Variants in RXYLT1 observed in about 807,000 individuals in gnomAD.
The protein encoded by RXYLT1 is ribitol-5-phosphate xylosyltransferase 1.
In RXYLT1, 41 loss-of-function variants were observed where a neutral mutation model predicts 43.5. The ratio of observed to expected loss-of-function variants is 0.94; its 90% CI spans 0.73 to 1.22. RXYLT1 has a LOEUF of 1.22. RXYLT1 is among the 50% of genes most tolerant of loss of function. RXYLT1 has a pLI of 0.00. For missense variants in RXYLT1, 514 were observed against 532.0 expected, an observed-to-expected ratio of 0.97 and a Z score of 0.33; for synonymous variants, 166 against 194.4, an observed-to-expected ratio of 0.85 and a Z score of 1.21.
At chr12:63,786,146 GTAAA>G (rs1210575150) in intron 3 of RXYLT1, among the ~76,000 whole-genome samples, 1 of 152,112 alleles carries the variant, frequency 6.6e-6, no homozygotes, top group Non-Finnish European at 1.5e-5. Context: ...TATTTGAAAA[GTAAA>G]TGTGTGTTAG....
chr12:63,784,927 G>C (rs1424503736), intron 2 of RXYLT1, 43 bp from the exon 3 acceptor site: 1 of 1,530,356 alleles, frequency 6.5e-7, no homozygotes, highest in Admixed American at 1.7e-5. Context: ...AAGTAGATGA[G>C]ACAGTAAATT....
rs768188804 is a variant in RXYLT1, at chr12:63,779,919, C to T, written c.-42C>T. The T allele has an allele frequency of 1.5e-5, 24 of 1,606,230 alleles. No individual in the cohort carries two copies. The highest frequency in any genetic ancestry group is 1.7e-5 in the Non-Finnish European group (20 of 1,178,414). On this transcript the variant is annotated 5_prime_UTR_variant, in exon 1 of 6. Transcript: ENST00000261234. ...CCGGTGTCGCGGATTCTCTTTCCGC[C>T]CGCTCCATGGCGGTGGATGCCTGAC...
intron 4 of RXYLT1, among the ~76,000 whole-genome samples, chr12:63,803,367 T>G (rs1898210458): frequency 6.6e-6 from 1 of 152,130 alleles, no homozygotes; most frequent in South Asian, 2.1e-4. Flanking sequence ...TTGTTCACTG[T>G]TCTATCCACA....
chr12:63,794,147 C>T (rs1453867176), intron 3 of RXYLT1, among the ~76,000 whole-genome samples: 1 of 152,170 alleles, frequency 6.6e-6, no homozygotes, highest in Admixed American at 6.5e-5. Context: ...CAGCTAAATC[C>T]ACCTGGCATG....
chr12:63,780,486 T>G, intron 1 of RXYLT1: 1 of 1,102,092 alleles, frequency 9.1e-7, no homozygotes, highest in South Asian at 3.5e-5. Flanking sequence ...GTTTCCATGT[T>G]GAAACAAAGC....
chr12:63,796,863 A>G (rs1898043517), intron 3 of RXYLT1, among the ~76,000 whole-genome samples: 1 of 152,142 alleles, frequency 6.6e-6, no homozygotes, highest in African/African-American at 2.4e-5. Flanking sequence ...GCCTACTGCA[A>G]TAGTCCTGTC....
intron 3 of RXYLT1, among the ~76,000 whole-genome samples, chr12:63,789,037 G>C (rs1897865479): frequency 6.6e-6 from 1 of 152,132 alleles, no homozygotes; most frequent in Non-Finnish European, 1.5e-5. Flanking sequence ...GCAGAAAAGA[G>C]GGATAAGGAA....
chr12:63,796,830 G>A (rs1898042412), intron 3 of RXYLT1, among the ~76,000 whole-genome samples: 1 of 151,734 alleles, frequency 6.6e-6, no homozygotes, highest in Non-Finnish European at 1.5e-5. Context: ...AGACTTTAAT[G>A]TTGACCATTC....
intron 1 of RXYLT1, 50 bp downstream of exon 1, chr12:63,780,179 C>T (rs1441264097): frequency 2.1e-6 from 3 of 1,405,858 alleles, no homozygotes; most frequent in Non-Finnish European, 2.7e-6. Context: ...CTGGCTGGGG[C>T]TGCTGGGCGG....
intron 3 of RXYLT1, among the ~76,000 whole-genome samples, chr12:63,799,081 C>T (rs1592851436): frequency 6.6e-6 from 1 of 152,058 alleles, no homozygotes; most frequent in East Asian, 1.9e-4. Context: ...CAGTATTGAC[C>T]CCATGGCTTT....
At chr12:63,794,781 C>G (rs1408784776) in intron 3 of RXYLT1, among the ~76,000 whole-genome samples, 2 of 150,824 alleles carry the variant, frequency 1.3e-5, no homozygotes, top group Non-Finnish European at 2.9e-5. Context: ...AGTGAAACCC[C>G]ATGATTTTTC....
chr12:63,805,119 AG>A, intron 4 of RXYLT1, 114 bp from the exon 5 acceptor site: 2 of 694,362 alleles, frequency 2.9e-6, no homozygotes, highest in Non-Finnish European at 4.3e-6. Context: ...TTTGAGATTT[AG>A]AAATCACATT....
At position 63,809,111 on chromosome 12, in the gene RXYLT1, ATG is replaced by A; in HGVS notation, c.*22_*23del. On this transcript the variant is annotated 3_prime_UTR_variant, in exon 6 of 6. Coordinates refer to ENST00000261234, the MANE Select transcript of RXYLT1 (RefSeq NM_014254.3). Reference sequence around the variant, plus strand: ...AAGTTAATTATCTTTTTGAGCTAACATGTGATTTTTAAAATCATTTTGACTAC... The same window carrying A: ...AAGTTAATTATCTTTTTGAGCTAACATGATTTTTAAAATCATTTTGACTAC... 1 of 1,315,830 alleles carries A rather than the reference ATG, an allele frequency of 7.6e-7. No individual in the cohort carries two copies. 81.5% of individuals were successfully genotyped at this position (1,315,830 alleles called of 1,614,324 possible). A position where few individuals can be genotyped will look rare whatever the true frequency, so the allele number is the denominator to read the frequency against.
At position 63,779,953 on chromosome 12, in the gene RXYLT1, C is replaced by T. The variant is rs371098045; in HGVS notation, c.-8C>T. On this transcript the variant is annotated 5_prime_UTR_variant, in exon 1 of 6. Coordinates refer to ENST00000261234, the MANE Select transcript of RXYLT1 (RefSeq NM_014254.3). ...GGCGGTGGATGCCTGACTGGAAGCC[C>T]GAGTGGGATGCGGCTGACGCGGAAG... The T allele has an allele frequency of 3.7e-6, 6 of 1,610,020 alleles. No individual in the cohort carries two copies. Among genetic ancestry groups the T allele is most frequent in the Admixed American group, 3.3e-5 (2 of 59,910 alleles).
rs1191585941 is a variant in RXYLT1, at chr12:63,780,017, C to T, written c.57C>T (p.Phe19=). The part of the protein sequence containing the change: ...CSFLIALYCL[F]SLYAAYHVFF... ...TTCTTATCGCCCTGTACTGCCTATT[C>T]TCCCTCTACGCTGCCTACCACGTCT... Residue 19 remains phenylalanine, a synonymous_variant, in exon 1 of 6, where the codon TTC becomes TTT. Coordinates refer to ENST00000261234, the MANE Select transcript of RXYLT1 (RefSeq NM_014254.3). 1 of 1,610,712 alleles carries T rather than the reference C, an allele frequency of 6.2e-7. No homozygotes were observed. The highest frequency in any genetic ancestry group is 1.1e-5 in the South Asian group (1 of 91,048).
rs1565908621 is a variant in RXYLT1, at chr12:63,808,744, A to G, written c.984A>G (p.Thr328=). 2 of 1,612,250 alleles carry G rather than the reference A, an allele frequency of 1.2e-6. No individual in the cohort carries two copies. The highest frequency in any genetic ancestry group is 2.2e-5 in the East Asian group (1 of 44,884). Residue 328 remains threonine (T), a synonymous_variant, in exon 6 of 6, where the codon ACA becomes ACG. Transcript: ENST00000261234. ...ATGCCTTGCTTCAGAGTGATCTCAC[A>G]TTGTGCCCGGTCGGAGTAAACACAG... ...YQDALLQSDL[T]LCPVGVNTEC... is the part of the protein sequence containing the mutation.
At position 63,802,258 on chromosome 12, in the gene RXYLT1, T is replaced by G; in HGVS notation, c.596T>G (p.Val199Gly). The G allele has an allele frequency of 1.2e-6, 2 of 1,614,114 alleles. No individual in the cohort carries two copies. The highest frequency in any genetic ancestry group is 1.7e-6 in the Non-Finnish European group (2 of 1,180,018). ...CAAAAACTCCAGCATCTTGCTGTTG[T>G]TTTGCTCGGAAATGAACATTGTGAT... ...QIQKLQHLAVVLLGNEHCDNE... is the reference protein window; with the variant it reads ...QIQKLQHLAVGLLGNEHCDNE... Residue 199 changes from valine (V) to glycine (G), a missense_variant, in exon 4 of 6, where the codon GTT becomes GGT. By Grantham distance (109) the Val-to-Gly change is moderately radical (BLOSUM62 -3). Transcript: ENST00000261234.
rs989813619 is a variant in RXYLT1 at position 63,809,390 on chromosome 12, A to T, written c.*298A>T. 4.0e-6 allele frequency: 1 copy of T among 247,438 alleles called. No individual in the cohort carries two copies. Among genetic ancestry groups the T allele is most frequent in the Non-Finnish European group, 7.7e-6 (1 of 130,166 alleles). 15.3% of individuals were successfully genotyped at this position (247,438 alleles called of 1,614,324 possible). A position where few individuals can be genotyped will look rare whatever the true frequency, so the allele number is the denominator to read the frequency against. Reference sequence around the variant, plus strand: ...TGGTGATACTGGTGTAAACAAATCTATTGCACTGCCAGTCAAGTAAAAGTA... The same window carrying T: ...TGGTGATACTGGTGTAAACAAATCTTTTGCACTGCCAGTCAAGTAAAAGTA... On this transcript the variant is annotated 3_prime_UTR_variant, in exon 6 of 6. Coordinates refer to ENST00000261234, the MANE Select transcript of RXYLT1 (RefSeq NM_014254.3).
intron 5 of RXYLT1, 51 bp downstream of exon 5, chr12:63,805,455 T>C: frequency 3.3e-6 from 5 of 1,501,816 alleles, no homozygotes; most frequent in Non-Finnish European, 4.4e-6. Context: ...AGTCTGAGAG[T>C]TGCTTTATGT....
Sources: allele counts gnomAD v4.1 joint callset (sites outside exome capture counted in the v4.1 genomes callset), GRCh38; gene constraint gnomAD v4.1.1; transcripts MANE v1.5; gene names NCBI Gene and HGNC (gene_info 2026-07-23, HGNC 2026-07-21).